The following NWD2 variants were observed in gnomAD, a reference collection of about 807,000 sequenced individuals.
NWD2 encodes the protein NACHT and WD repeat domain-containing protein 2.
A neutral mutation model predicts 132.7 loss-of-function variants in NWD2; 37 were observed. The observed-to-expected ratio is 0.28, with a 90% CI of 0.21 to 0.37. The LOEUF is 0.37. NWD2 is among the 10% of genes least tolerant of loss of function. NWD2 has a pLI of 1.00. For synonymous variants in NWD2, 705 were observed against 803.0 expected, an observed-to-expected ratio of 0.88 and a Z score of 2.06; for missense variants, 1,592 against 2,122.4, an observed-to-expected ratio of 0.75 and a Z score of 4.91.
intron 2 of NWD2, among the ~76,000 whole-genome samples, chr4:37,346,146 C>A (rs768042787): frequency 6.6e-6 from 1 of 150,420 alleles, no homozygotes; most frequent in Non-Finnish European, 1.5e-5. Flanking sequence ...AGTTTTGACT[C>A]TCAAATTTAT....
At chr4:37,316,648 C>T (rs1315979550) in intron 1 of NWD2, among the ~76,000 whole-genome samples, 2 of 152,040 alleles carry the variant, frequency 1.3e-5, no homozygotes, top group African/African-American at 2.4e-5. Context: ...TGTCTTGGGG[C>T]TTGGTTCATT....
At position 37,428,537 on chromosome 4, in the gene NWD2, A is replaced by T. The variant is rs529459237; in HGVS notation, c.358-2035A>T. Among the ~76,000 whole-genome samples, 16 of 152,334 alleles carry T rather than the reference A, an allele frequency of 1.1e-4. No individual in the cohort carries two copies. The South Asian group carries it at 3.1e-3, about 30-fold the overall frequency. ...AACCAGAAGTTCAGCCACCTGGAGGACTTGCTAAAACATAAATTGCTCAGC... is the reference window on the plus strand; with the variant it reads ...AACCAGAAGTTCAGCCACCTGGAGGTCTTGCTAAAACATAAATTGCTCAGC... On this transcript the variant is annotated intron_variant, in intron 3 of 6. Coordinates refer to ENST00000309447, the MANE Select transcript of NWD2 (RefSeq NM_001144990.2).
chr4:37,379,802 A>G (rs1279752581), intron 3 of NWD2, among the ~76,000 whole-genome samples: 1 of 152,196 alleles, frequency 6.6e-6, no homozygotes, highest in Non-Finnish European at 1.5e-5. Flanking sequence ...ACAGATGGGC[A>G]CTTGGACTTC....
intron 2 of NWD2, among the ~76,000 whole-genome samples, chr4:37,332,069 G>C (rs911912773): frequency 1.3e-5 from 2 of 152,198 alleles, no homozygotes; most frequent in African/African-American, 4.8e-5. Context: ...GGGCTAAAGT[G>C]TTCTTGAGTT....
intron 1 of NWD2, among the ~76,000 whole-genome samples, chr4:37,321,175 A>G (rs1275215997): frequency 6.6e-6 from 1 of 152,140 alleles, no homozygotes; most frequent in Non-Finnish European, 1.5e-5. Flanking sequence ...AGAAAGAAAA[A>G]AATGACTAAA....
intron 1 of NWD2, among the ~76,000 whole-genome samples, chr4:37,265,692 C>T (rs1717734669): frequency 6.6e-6 from 1 of 151,986 alleles, no homozygotes; most frequent in Non-Finnish European, 1.5e-5. Context: ...TCTGATTCTG[C>T]TTTTGTGGTT....
intron 2 of NWD2, among the ~76,000 whole-genome samples, chr4:37,345,513 G>A (rs1246999305): frequency 6.6e-6 from 1 of 152,098 alleles, no homozygotes; most frequent in African/African-American, 2.4e-5. Context: ...GTGAAGAAAT[G>A]TCTACTCAGA....
At chr4:37,278,871 A>C (rs564030366) in intron 1 of NWD2, among the ~76,000 whole-genome samples, 1 of 152,148 alleles carries the variant, frequency 6.6e-6, no homozygotes, top group Non-Finnish European at 1.5e-5. Context: ...CTTAAAAGAG[A>C]AGGGTACACA....
rs1271314993 is a variant in NWD2, at chr4:37,448,572, G to A, written c.*1355G>A. On this transcript the variant is annotated 3_prime_UTR_variant, in exon 7 of 7. Coordinates refer to ENST00000309447, the MANE Select transcript of NWD2 (RefSeq NM_001144990.2). Reference sequence around the variant, plus strand: ...ATATCCTCCTTACGGCATGTCCTTGGATAACTTTTCAAAAGGTATCCACAC... The same window carrying A: ...ATATCCTCCTTACGGCATGTCCTTGAATAACTTTTCAAAAGGTATCCACAC... The A allele has an allele frequency of 6.6e-6, 1 of 152,146 alleles. No individual in the cohort carries two copies. The highest frequency in any genetic ancestry group is 1.5e-5 in the Non-Finnish European group (1 of 68,018). 9.4% of individuals were successfully genotyped at this position (152,146 alleles called of 1,614,324 possible).
intron 1 of NWD2, among the ~76,000 whole-genome samples, chr4:37,320,185 C>G (rs190370119): frequency 6.6e-6 from 1 of 152,200 alleles, no homozygotes; most frequent in African/African-American, 2.4e-5. Flanking sequence ...TTGTAGAGAT[C>G]TTTCATCTGA....
chr4:37,277,166 G>A lies in NWD2; in HGVS notation c.151+31948G>A, dbSNP rs565186192. The stretch of plus-strand genomic sequence containing the variant: ...AAAAAAGTCAGCCATTAATTGTACC[G>A]ATCCTCTGCAGTATGAGATGTTTTG... On this transcript the variant is annotated intron_variant, in intron 1 of 6. Transcript: ENST00000309447. Among the ~76,000 whole-genome samples the A allele has an allele frequency of 9.0e-4, 135 of 150,834 alleles. 1 individual carries two copies. The highest frequency in any genetic ancestry group is 2.9e-3 in the African/African-American group (121 of 41,132).
intron 1 of NWD2, among the ~76,000 whole-genome samples, chr4:37,273,003 G>A (rs1717905331): frequency 6.6e-6 from 1 of 151,736 alleles, no homozygotes; most frequent in Admixed American, 6.6e-5. Context: ...AGGTATTTCA[G>A]TTCACCCAAT....
At chr4:37,326,149 A>G in intron 2 of NWD2, 125 bp downstream of exon 2, 1 of 596,932 alleles carries the variant, frequency 1.7e-6, no homozygotes, top group Admixed American at 3.3e-5. Flanking sequence ...TTCTTCAAGC[A>G]TGGGTAAAAA....
At chr4:37,353,201 G>C (rs759057608) in intron 2 of NWD2, among the ~76,000 whole-genome samples, 26 of 152,186 alleles carry the variant, frequency 1.7e-4, no homozygotes, top group Non-Finnish European at 3.7e-4. Flanking sequence ...CTGGCTTGTA[G>C]TGTTTCTACA....
rs143288758 is a variant in NWD2, at chr4:37,335,217, C to T, written c.240+9193C>T. On this transcript the variant is annotated intron_variant, in intron 2 of 6. Coordinates refer to ENST00000309447, the MANE Select transcript of NWD2 (RefSeq NM_001144990.2). ...CACAGGCAGCCTGTTCTAGCCTTTG[C>T]GAACTACATTTGGTTCACCAGATGT... Among the ~76,000 whole-genome samples the T allele has an allele frequency of 1.7e-3, 237 of 141,822 alleles. 1 individual carries two copies. Among genetic ancestry groups the T allele is most frequent in the African/African-American group, 5.9e-3 (224 of 37,868 alleles). 93.0% of individuals were successfully genotyped at this position (141,822 alleles called of 152,430 possible). A position where few individuals can be genotyped will look rare whatever the true frequency, so the allele number is the denominator to read the frequency against.
At chr4:37,336,002 G>C (rs908417357) in intron 2 of NWD2, among the ~76,000 whole-genome samples, 2 of 151,776 alleles carry the variant, frequency 1.3e-5, no homozygotes, top group African/African-American at 4.8e-5. Flanking sequence ...AGTAATATTA[G>C]ATTTTCCAAC....
chr4:37,300,255 A>G (rs1718587150), intron 1 of NWD2, among the ~76,000 whole-genome samples: 2 of 152,316 alleles, frequency 1.3e-5, no homozygotes, highest in Middle Eastern at 3.4e-3. Flanking sequence ...CGATTATATC[A>G]TGAGACTGAG....
At position 37,439,047 on chromosome 4, in the gene NWD2, A is replaced by G. The variant is rs1186482793; in HGVS notation, c.953A>G (p.Tyr318Cys). Residue 318 changes from tyrosine (Y) to cysteine (C), a missense_variant, in exon 6 of 7, where the codon TAC becomes TGC. Physicochemically the swap from Tyr to Cys is radical, Grantham distance 194. Around this residue, in one of 7 missense-constraint regions of NWD2, gnomAD observed 1,071 missense variants for 1,398.0 expected, o/e 0.77. Transcript: ENST00000309447. The surrounding 1 kb of genome is among the most constrained non-coding windows in gnomAD (Gnocchi z 4.5). The stretch of plus-strand genomic sequence containing the variant: ...GTTGCATCATCTAATCTGAGAGTGT[A>G]CACATCTGTTACTCATTGTGACATG... ...TIVASSNLRV[Y>C]TSVTHCDMKL... 6.4e-7 allele frequency: 1 copy of G among 1,551,780 alleles called. No homozygotes were observed. The highest frequency in any genetic ancestry group is 1.2e-5 in the South Asian group (1 of 84,062).
intron 2 of NWD2, among the ~76,000 whole-genome samples, chr4:37,350,462 A>G (rs1359643083): frequency 6.6e-6 from 1 of 152,136 alleles, no homozygotes; most frequent in East Asian, 1.9e-4. Flanking sequence ...ATGGGAATTC[A>G]CTCATGATTT....
Sources: allele counts gnomAD v4.1 joint callset (sites outside exome capture counted in the v4.1 genomes callset), GRCh38; gene constraint gnomAD v4.1.1; regional missense constraint gnomAD v4.1.1; non-coding constraint Gnocchi (gnomAD v3.1); transcripts MANE v1.5; gene names NCBI Gene and HGNC (gene_info 2026-07-23, HGNC 2026-07-21).